The following ERC2 variants were observed in gnomAD, a reference collection of about 807,000 sequenced individuals.
The protein encoded by ERC2 is ERC protein 2.
In ERC2, 42 loss-of-function variants were observed where a neutral mutation model predicts 114.8. The ratio of observed to expected loss-of-function variants is 0.37; its 90% CI spans 0.29 to 0.47. The LOEUF (loss-of-function observed/expected upper bound fraction) is 0.47, where lower values mean the gene tolerates loss of function less well. ERC2 is among the 20% of genes least tolerant of loss of function. The pLI is 0.99. For missense variants in ERC2, 939 were observed against 1,150.7 expected, an observed-to-expected ratio of 0.82 and a Z score of 2.66; for synonymous variants, 454 against 425.5, an observed-to-expected ratio of 1.07 and a Z score of -0.82.
At chr3:55,539,416 T>TTTC (rs2054234636) in intron 17 of ERC2, among the ~76,000 whole-genome samples, 1 of 13,700 alleles carries the variant, frequency 7.3e-5, no homozygotes, top group East Asian at 1.5e-3. Flanking sequence ...TTTTTCTTTC[T>TTTC]TTTTTTTTTT....
chr3:55,604,876 A>C (rs949737379), intron 17 of ERC2, among the ~76,000 whole-genome samples: 1 of 152,118 alleles, frequency 6.6e-6, no homozygotes, highest in Non-Finnish European at 1.5e-5. Context: ...AGTGGCTCTC[A>C]AACTTTCCTG....
intron 14 of ERC2, among the ~76,000 whole-genome samples, chr3:55,836,371 A>G (rs1037111556): frequency 2.0e-5 from 3 of 152,162 alleles, no homozygotes; most frequent in African/African-American, 7.2e-5. Flanking sequence ...AGGCTACAGT[A>G]ACCAAAACAG....
chr3:55,759,476 A>C lies in ERC2; in HGVS notation c.2565-24558T>G, dbSNP rs907619587. 1.4e-4 allele frequency among the ~76,000 whole-genome samples: 15 copies of C among 104,096 alleles called. 1 individual carries two copies. Among genetic ancestry groups the C allele is most frequent in the African/African-American group, 4.6e-4 (12 of 25,972 alleles). The allele number at this position is 104,096 out of a possible 152,430, so 68.3% of individuals were successfully genotyped here. ...GTCTCTTTCATTAAAAAAAAAAAAA[A>C]AAAAAAAAAAAAAAAAAAAAAAGGT... On this transcript the variant is annotated intron_variant, in intron 14 of 17. Coordinates refer to ENST00000288221, the MANE Select transcript of ERC2 (RefSeq NM_015576.3).
chr3:56,449,381 G>C (rs886619038), intron 1 of ERC2, among the ~76,000 whole-genome samples: 1 of 152,192 alleles, frequency 6.6e-6, no homozygotes, highest in African/African-American at 2.4e-5. Flanking sequence ...TCCTCCAGTG[G>C]ACGGTGCAGT....
chr3:55,950,314 G>A (rs1377237582), intron 13 of ERC2, 111 bp downstream of exon 13: 9 of 1,377,852 alleles, frequency 6.5e-6, no homozygotes, highest in South Asian at 1.4e-5. Context: ...TAGACTCAGG[G>A]CAAAGGCAAA....
intron 2 of ERC2, among the ~76,000 whole-genome samples, chr3:56,347,804 T>G (rs2150513789): frequency 6.6e-6 from 1 of 152,316 alleles, no homozygotes; most frequent in Admixed American, 6.5e-5. Context: ...ACCCCAGGAA[T>G]GGCAAATGCC....
chr3:56,328,663 T>A (rs1311633258), intron 2 of ERC2, among the ~76,000 whole-genome samples: 2 of 152,196 alleles, frequency 1.3e-5, no homozygotes. Context: ...TCCCATTTAA[T>A]CCTAACTACT....
chr3:56,107,262 CTT>C (rs78417349), intron 6 of ERC2, among the ~76,000 whole-genome samples: 5,370 of 140,836 alleles, frequency 0.038, 149 homozygotes, highest in African/African-American at 0.081. Context: ...ATTAAATCCA[CTT>C]TTTTTTTTTT....
At position 56,056,754 on chromosome 3, in the gene ERC2, A is replaced by C. The variant is rs538265882; in HGVS notation, c.1641+24063T>G. On this transcript the variant is annotated intron_variant, in intron 7 of 17. Transcript: ENST00000288221. ...GGTCTCTTAGAGCTCTCAATCCTGC[A>C]CTTAACTGCTTTATTGAAAAGCCAA... Among the ~76,000 whole-genome samples, 7 of 152,324 alleles carry C rather than the reference A, an allele frequency of 4.6e-5. No homozygotes were observed. In the East Asian group the frequency reaches 7.7e-4, roughly 17 times the overall value.
chr3:56,068,991 G>C (rs2076605668), intron 7 of ERC2, among the ~76,000 whole-genome samples: 1 of 152,184 alleles, frequency 6.6e-6, no homozygotes. Flanking sequence ...GTGCCATGTG[G>C]CACTGAGAAG....
rs1242456531 is a variant in ERC2, at chr3:55,952,165, ACACACACACACACACTCT to A, written c.2268-1623_2268-1606del. 4.4e-3 allele frequency among the ~76,000 whole-genome samples: 376 copies of A among 85,810 alleles called. 14 individuals carry two copies. The highest frequency in any genetic ancestry group is 6.6e-3 in the Non-Finnish European group (276 of 42,098). 56.3% of individuals were successfully genotyped at this position (85,810 alleles called of 152,430 possible). A position where few individuals can be genotyped will look rare whatever the true frequency, so the allele number is the denominator to read the frequency against. On this transcript the variant is annotated intron_variant, in intron 12 of 17. Transcript: ENST00000288221. ...CACACACACACACACACACACACACACACACACACACACACTCTCTCTCTCTCTCTCTCTATATATATA... is the reference window on the plus strand; with the variant it reads ...CACACACACACACACACACACACACACTCTCTCTCTCTCTCTATATATATA...
At chr3:55,885,460 G>T (rs1267401449) in intron 14 of ERC2, among the ~76,000 whole-genome samples, 1 of 152,158 alleles carries the variant, frequency 6.6e-6, no homozygotes, top group Non-Finnish European at 1.5e-5. Context: ...GTTAAATAGT[G>T]AATAGGGCCC....
At chr3:55,707,535 G>T (rs953948185) in intron 15 of ERC2, among the ~76,000 whole-genome samples, 4 of 152,198 alleles carry the variant, frequency 2.6e-5, no homozygotes, top group African/African-American at 9.6e-5. Flanking sequence ...CATCTCCCCT[G>T]TTCTACTGTC....
intron 12 of ERC2, among the ~76,000 whole-genome samples, chr3:55,961,685 C>T (rs1180594059): frequency 6.8e-6 from 1 of 146,366 alleles, no homozygotes; most frequent in African/African-American, 2.5e-5. Flanking sequence ...CCCTTTTTTG[C>T]CACATGCTTT....
intron 17 of ERC2, among the ~76,000 whole-genome samples, chr3:55,561,670 C>CTCGCTTT (rs1006391627): frequency 3.3e-5 from 5 of 152,084 alleles, no homozygotes; most frequent in African/African-American, 1.2e-4. Flanking sequence ...TGGTGGGCTA[C>CTCGCTTT]TCGCTTTTTT....
In ERC2 at chr3:56,459,527, C is replaced by CCACACA. The variant is rs58270143; in HGVS notation, c.-141+8715_-141+8720dup. 1.2e-3 allele frequency among the ~76,000 whole-genome samples: 181 copies of CCACACA among 150,732 alleles called. 2 individuals carry two copies. The highest frequency in any genetic ancestry group is 3.7e-3 in the African/African-American group (154 of 41,088). Reference sequence around the variant, plus strand: ...GGAAAAGAGAGCTAATGCTATCAGACCACACACACACACACACACACACAC... The same window carrying CCACACA: ...GGAAAAGAGAGCTAATGCTATCAGACCACACACACACACACACACACACACACACAC... On this transcript the variant is annotated intron_variant, in intron 1 of 17. Transcript: ENST00000288221.
At chr3:55,715,991 A>G (rs1349157080) in intron 15 of ERC2, among the ~76,000 whole-genome samples, 1 of 152,196 alleles carries the variant, frequency 6.6e-6, no homozygotes, top group Non-Finnish European at 1.5e-5. Context: ...ATGCCCTAGA[A>G]GGCACCCAAC....
chr3:55,883,844 C>A (rs963149378), intron 14 of ERC2, among the ~76,000 whole-genome samples: 1 of 151,992 alleles, frequency 6.6e-6, no homozygotes, highest in Non-Finnish European at 1.5e-5. Context: ...GCCAAGATTG[C>A]ACCACTGCAC....
intron 7 of ERC2, among the ~76,000 whole-genome samples, chr3:56,023,310 C>T (rs1014669582): frequency 2.0e-5 from 3 of 152,100 alleles, no homozygotes; most frequent in Non-Finnish European, 4.4e-5. Context: ...CCACATAAAG[C>T]CCAAACTCCC....
Sources: gnomAD v4.1 joint callset for allele counts (sites outside exome capture counted in the v4.1 genomes callset) on GRCh38, gnomAD v4.1.1 for gene constraint, MANE v1.5 for transcripts, NCBI Gene and HGNC (gene_info 2026-07-23, HGNC 2026-07-21) for gene names.